CARD8: variants seen among roughly 807,000 people sequenced by gnomAD.
CARD8 encodes the protein caspase recruitment domain-containing protein 8.
In CARD8, 38 loss-of-function variants were observed where a neutral mutation model predicts 53.2. That is an observed-to-expected ratio of 0.71 (90% CI 0.55 to 0.94). The LOEUF (loss-of-function observed/expected upper bound fraction) is 0.94. Ranked by LOEUF, CARD8 falls within the 40% of genes least tolerant of loss-of-function variation. The probability of loss-of-function intolerance (pLI) is 0.00; values close to 1 mark genes in which losing one functional copy is unlikely to be tolerated. For synonymous variants in CARD8, 245 were observed against 244.9 expected (o/e 1.00, Z 0.00); for missense variants, 561 against 655.5 (o/e 0.86, Z 1.57).
chr19:48,243,985 C>T (rs868022894), intron 3 of CARD8, among the ~76,000 whole-genome samples: 4 of 152,286 alleles, frequency 2.6e-5, no homozygotes, highest in African/African-American at 9.6e-5. Context: ...AGTCAAAAAG[C>T]ATCTCTCACT....
intron 12 of CARD8, 37 bp downstream of exon 12, chr19:48,218,834 C>T: frequency 6.2e-7 from 1 of 1,607,086 alleles, no homozygotes; most frequent in Non-Finnish European, 8.5e-7. Flanking sequence ...CATGATGGAT[C>T]CCTGTCTAAA....
rs1323220155 is a variant in CARD8 at position 48,249,781 on chromosome 19, G to A, written c.-185C>T. 6.6e-6 allele frequency: 1 copy of A among 152,648 alleles called. No homozygotes were observed. The highest frequency in any genetic ancestry group is 1.5e-5 in the Non-Finnish European group (1 of 68,324). 9.5% of individuals were successfully genotyped at this position (152,648 alleles called of 1,614,324 possible). ...GAGTTTCAGGAGCCCCAGGGTGCAGGAAGGAGGAGCGGAGGCTTGTTGCTT... is the reference window on the plus strand; with the variant it reads ...GAGTTTCAGGAGCCCCAGGGTGCAGAAAGGAGGAGCGGAGGCTTGTTGCTT... On this transcript the variant is annotated 5_prime_UTR_variant, in exon 2 of 14. Transcript: ENST00000651546.
At chr19:48,239,497 CAG>C (rs1329374453) in intron 4 of CARD8, among the ~76,000 whole-genome samples, 7 of 125,042 alleles carry the variant, frequency 5.6e-5, no homozygotes, top group Non-Finnish European at 6.5e-5. Context: ...TTTTTTGAGA[CAG>C]AGTTTCACTG....
At chr19:48,225,454 G>A (rs570226315) in intron 10 of CARD8, among the ~76,000 whole-genome samples, 2 of 152,242 alleles carry the variant, frequency 1.3e-5, no homozygotes, top group East Asian at 1.9e-4. Context: ...CTGTGGCACT[G>A]CACTCCAGCC....
At chr19:48,213,431 A>C (rs1425453419) in intron 13 of CARD8, among the ~76,000 whole-genome samples, 2 of 151,980 alleles carry the variant, frequency 1.3e-5, no homozygotes, top group East Asian at 3.9e-4. Flanking sequence ...CTGGAGTGCG[A>C]TGGCACGATC....
chr19:48,236,326 C>A (rs2043868040), intron 5 of CARD8, among the ~76,000 whole-genome samples: 1 of 152,152 alleles, frequency 6.6e-6, no homozygotes, highest in Admixed American at 6.5e-5. Flanking sequence ...TATTCTCCTG[C>A]CTCAGCGTCC....
At position 48,212,115 on chromosome 19, in the gene CARD8, C is replaced by T. The variant is rs2038105261; in HGVS notation, c.1349-140G>A. 9.5e-6 allele frequency: 7 copies of T among 737,082 alleles called. No homozygotes were observed. In the South Asian group the frequency reaches 1.3e-4, roughly 14 times the overall value. The allele number at this position is 737,082 out of a possible 1,614,324, so 45.7% of individuals were successfully genotyped here. ...CTTAATTTGTGGACATACAAAATCA[C>T]ACACATTCACAGAGCAAATATACCC... On this transcript the variant is annotated intron_variant, in intron 13 of 13. Transcript: ENST00000651546.
chr19:48,243,379 A>T (rs898122381), intron 3 of CARD8, among the ~76,000 whole-genome samples: 2 of 152,166 alleles, frequency 1.3e-5, no homozygotes, highest in Admixed American at 1.3e-4. Flanking sequence ...CCACCACTGA[A>T]TTTATCTGCA....
intron 11 of CARD8, among the ~76,000 whole-genome samples, chr19:48,220,724 C>T (rs913860650): frequency 7.9e-5 from 12 of 151,828 alleles, no homozygotes; most frequent in Admixed American, 2.0e-4. Context: ...CCAGCCTGGC[C>T]AACATGGTGA....
At chr19:48,255,595 A>G (rs1967116167) in intron 1 of CARD8, 197 bp downstream of exon 1, 1 of 152,174 alleles carries the variant, frequency 6.6e-6, no homozygotes, top group Admixed American at 6.6e-5. Flanking sequence ...TTATGACAGG[A>G]TGCCGAGCTT....
Position 48,230,459 on chromosome 19 carries a change from G to C in CARD8, c.1014C>G (p.Pro338=). The change falls in exon 10 of 14, where the codon CCC becomes CCG. Residue 338 remains proline, a synonymous_variant. Transcript: ENST00000651546. ...TTACCTTTGTTAGCAAGGCGTCGCT[G>C]GGGACAAGGTACAAGTGGAACTTAA... ...EDIKFHLYLV[P]SDALLTKAID... is the part of the protein sequence containing the mutation. The C allele has an allele frequency of 1.2e-6, 2 of 1,609,098 alleles. No individual in the cohort carries two copies. The highest frequency in any genetic ancestry group is 1.7e-6 in the Non-Finnish European group (2 of 1,176,736).
downstream of CARD8, among the ~76,000 whole-genome samples, chr19:48,207,734 G>GTTTTTTGTTTTTTTTTTTT (rs2037429240): frequency 8.6e-6 from 1 of 116,552 alleles, no homozygotes; most frequent in African/African-American, 3.7e-5. Flanking sequence ...TTGTTTTTCT[G>GTTTTTTGTTTTTTTTTTTT]TTTTTTTTTT....
chr19:48,239,161 G>C (rs2146581347), intron 4 of CARD8, among the ~76,000 whole-genome samples: 1 of 152,296 alleles, frequency 6.6e-6, no homozygotes, highest in East Asian at 1.9e-4. Context: ...TTTGAAGGTA[G>C]GATCTCTTTA....
At chr19:48,232,565 T>C in intron 6 of CARD8, 72 bp from the exon 7 acceptor site, 1 of 1,345,194 alleles carries the variant, frequency 7.4e-7, no homozygotes, top group Non-Finnish European at 1.0e-6. Context: ...ATGAAGACGA[T>C]GTTATTGAAA....
chr19:48,232,260 C>G, intron 7 of CARD8, 193 bp downstream of exon 7: 1 of 628,956 alleles, frequency 1.6e-6, no homozygotes, highest in Non-Finnish European at 2.8e-6. Context: ...CACTGACTCC[C>G]CTGAGCATTT....
Position 48,210,577 on chromosome 19 carries a change from G to T in CARD8, c.*1133C>A, listed in dbSNP as rs913041091. On this transcript the variant is annotated 3_prime_UTR_variant, in exon 14 of 14. Transcript: ENST00000651546. ...TATCCTAGATGAGAAAAGGTAATAG[G>T]ATCTAAATGGTGATAAAGTGCCTAG... 2 of 152,078 alleles carry T rather than the reference G, an allele frequency of 1.3e-5. No homozygotes were observed. The highest frequency in any genetic ancestry group is 1.9e-4 in the East Asian group (1 of 5,196). 9.4% of individuals were successfully genotyped at this position (152,078 alleles called of 1,614,324 possible). A position where few individuals can be genotyped will look rare whatever the true frequency, so the allele number is the denominator to read the frequency against.
Position 48,218,869 on chromosome 19 carries a change from A to T in CARD8, c.1303+2T>A, listed in dbSNP as rs2039924056. 1.2e-6 allele frequency: 2 copies of T among 1,614,036 alleles called. No homozygotes were observed. Among genetic ancestry groups the T allele is most frequent in the African/African-American group, 2.7e-5 (2 of 75,020 alleles). ...AAATGCCAGCCTCGCCCACTCACCT[A>T]CCTGGCTTCACCTCAGTATCCCACA... On this transcript the variant is annotated splice_donor_variant, in intron 12 of 13. Coordinates refer to ENST00000651546, the MANE Select transcript of CARD8 (RefSeq NM_001184900.3). LOFTEE classifies it high-confidence loss of function.
At chr19:48,251,360 G>A (rs1479030528) in intron 1 of CARD8, among the ~76,000 whole-genome samples, 2 of 152,134 alleles carry the variant, frequency 1.3e-5, no homozygotes, top group African/African-American at 2.4e-5. Flanking sequence ...TTTTTCTCCT[G>A]GTTTGTAGTG....
downstream of CARD8, among the ~76,000 whole-genome samples, chr19:48,205,155 G>A (rs1015346678): frequency 1.3e-5 from 2 of 152,180 alleles, no homozygotes; most frequent in African/African-American, 4.8e-5. Flanking sequence ...GATCAGCACT[G>A]ACTGTGTGCC....
Sources: allele counts gnomAD v4.1 joint callset (sites outside exome capture counted in the v4.1 genomes callset), GRCh38; gene constraint gnomAD v4.1.1; transcripts MANE v1.5; gene names NCBI Gene and HGNC (gene_info 2026-07-23, HGNC 2026-07-21).